Variants in DDX52 observed in about 807,000 individuals in gnomAD.
DDX52 encodes the protein probable ATP-dependent RNA helicase DDX52.
In DDX52, 59 loss-of-function variants were observed where a neutral mutation model predicts 76.1. That is an observed-to-expected ratio of 0.78 (90% CI 0.63 to 0.96). The LOEUF (loss-of-function observed/expected upper bound fraction) is 0.96, where lower values mean the gene tolerates loss of function less well. DDX52 is among the 40% of genes least tolerant of loss of function. The pLI, the probability that DDX52 is intolerant of heterozygous loss-of-function variation, is 0.00. For synonymous variants in DDX52, 231 were observed against 244.1 expected (o/e 0.95, Z 0.50); for missense variants, 707 against 703.9 (o/e 1.00, Z -0.05).
At chr17:37,636,324 C>T (rs1438445229) in intron 2 of DDX52, among the ~76,000 whole-genome samples, 3 of 152,078 alleles carry the variant, frequency 2.0e-5, no homozygotes, top group South Asian at 2.1e-4. Context: ...GTCCGTTTGT[C>T]GAAAAGACTT....
In DDX52 at chr17:37,621,183, T is replaced by TTGAACCATAGTTGA; in HGVS notation, c.1444_1445insTCAACTATGGTTCA (p.Asn482IlefsTer8). 1 of 1,614,010 alleles carries TTGAACCATAGTTGA rather than the reference T, an allele frequency of 6.2e-7. No homozygotes were observed. The highest frequency in any genetic ancestry group is 1.1e-5 in the South Asian group (1 of 91,072). On this transcript the variant is annotated frameshift_variant, in exon 11 of 15. Transcript: ENST00000617633. LOFTEE classifies it high-confidence loss of function. ...TGGAAAGTCATAGTTGATCACCAAG[T>TTGAACCATAGTTGA]TCACACCTTTAAAATCAATCCCTCT...
Position 37,642,167 on chromosome 17 carries a change from T to C in DDX52, c.229A>G (p.Ser77Gly). 1 of 1,614,124 alleles carries C rather than the reference T, an allele frequency of 6.2e-7. No homozygotes were observed. Among genetic ancestry groups the C allele is most frequent in the Non-Finnish European group, 8.5e-7 (1 of 1,180,028 alleles). Reference sequence around the variant, plus strand: ...TGCTCCCTCTTCCTTTCAGTTAGGCTCTCTTCTTTTTTCTCTCCATTTTGG... The same window carrying C: ...TGCTCCCTCTTCCTTTCAGTTAGGCCCTCTTCTTTTTTCTCTCCATTTTGG... ...KPQNGEKKEE[S>G]LTERKREQSK... The change falls in exon 2 of 15, where the codon AGC (serine) becomes GGC (glycine). Residue 77 changes from serine (S) to glycine (G), a missense_variant. Coordinates refer to ENST00000617633, the MANE Select transcript of DDX52 (RefSeq NM_007010.5).
intron 2 of DDX52, among the ~76,000 whole-genome samples, chr17:37,633,697 T>C (rs1192184903): frequency 1.3e-5 from 2 of 150,494 alleles, no homozygotes; most frequent in Non-Finnish European, 3.0e-5. Context: ...CTTGGATGTA[T>C]GTGTAGCAAG....
rs760457394 is a variant in DDX52, at chr17:37,643,321, T to C, written c.87+13A>G. 1.5e-5 allele frequency: 24 copies of C among 1,612,346 alleles called. No homozygotes were observed. Among genetic ancestry groups the C allele is most frequent in the Non-Finnish European group, 2.0e-5 (23 of 1,178,902 alleles). On this transcript the variant is annotated intron_variant, in intron 1 of 14. Coordinates refer to ENST00000617633, the MANE Select transcript of DDX52 (RefSeq NM_007010.5). ...TCTCAGTTACTCGGCCCTCGGTCCCTTGGGCACAGTACCTGGAATCGAGCT... is the reference window on the plus strand; with the variant it reads ...TCTCAGTTACTCGGCCCTCGGTCCCCTGGGCACAGTACCTGGAATCGAGCT...
chr17:37,628,879 T>A (rs1354474430), intron 5 of DDX52, among the ~76,000 whole-genome samples: 2 of 152,160 alleles, frequency 1.3e-5, no homozygotes, highest in African/African-American at 4.8e-5. Flanking sequence ...TGGAATAAAC[T>A]AGTTCCCAGA....
chr17:37,622,771 G>A (rs772834666), intron 9 of DDX52, among the ~76,000 whole-genome samples: 5 of 152,128 alleles, frequency 3.3e-5, no homozygotes, highest in Admixed American at 1.3e-4. Context: ...TAATCTCCAA[G>A]GAATATCCTG....
At chr17:37,638,980 C>T (rs2031060959) in intron 2 of DDX52, among the ~76,000 whole-genome samples, 1 of 151,960 alleles carries the variant, frequency 6.6e-6, no homozygotes, top group Non-Finnish European at 1.5e-5. Flanking sequence ...CCATGTTGGC[C>T]AGGCTGGTCT....
chr17:37,619,743 G>A, intron 13 of DDX52, 25 bp downstream of exon 13: 1 of 1,573,896 alleles, frequency 6.4e-7, no homozygotes, highest in Non-Finnish European at 8.7e-7. Flanking sequence ...GACAGACAAA[G>A]ATACAGGTAA....
chr17:37,618,093 C>T (rs1420312562), intron 14 of DDX52, among the ~76,000 whole-genome samples, 199 bp downstream of exon 14: 3 of 152,066 alleles, frequency 2.0e-5, no homozygotes, highest in Admixed American at 6.6e-5. Flanking sequence ...CCAGCCTGGG[C>T]GACAGTGCAA....
At chr17:37,616,608 T>C (rs1020901114) in intron 14 of DDX52, among the ~76,000 whole-genome samples, 9 of 151,420 alleles carry the variant, frequency 5.9e-5, no homozygotes, top group Middle Eastern at 3.4e-3. Context: ...TGAGCCGAGA[T>C]TGCGACACTG....
rs2064393122 is a variant in DDX52 at position 37,613,682 on chromosome 17, A to G, written c.*614T>C. The G allele has an allele frequency of 6.6e-6, 1 of 152,612 alleles. No individual in the cohort carries two copies. Among genetic ancestry groups the G allele is most frequent in the Non-Finnish European group, 1.5e-5 (1 of 68,042 alleles). 9.5% of individuals were successfully genotyped at this position (152,612 alleles called of 1,614,324 possible). A position where few individuals can be genotyped will look rare whatever the true frequency, so the allele number is the denominator to read the frequency against. ...AACAAATTAGGAAATATTAAAATTA[A>G]GAGAGCAGCAGGTTTCTTCTTGGTA... is the stretch of plus-strand genomic sequence containing the variant. On this transcript the variant is annotated 3_prime_UTR_variant, in exon 15 of 15. Transcript: ENST00000617633.
chr17:37,618,453 T>C, intron 13 of DDX52, 69 bp from the exon 14 acceptor site: 2 of 1,309,758 alleles, frequency 1.5e-6, no homozygotes, highest in South Asian at 2.8e-5. Context: ...AAAGCTAAAA[T>C]TAGTTTTGAT....
In DDX52 at chr17:37,610,656, G is replaced by A. The variant is rs1322376896; in HGVS notation, c.*3640C>T. The A allele has an allele frequency of 2.6e-5, 4 of 152,198 alleles. No homozygotes were observed. The South Asian group carries it at 6.2e-4, about 24-fold the overall frequency. 9.4% of individuals were successfully genotyped at this position (152,198 alleles called of 1,614,324 possible). ...TTTAAAAAATCCTCAGTATCCTTAG[G>A]AGTTACAATTGGCATCTTACAGATG... On this transcript the variant is annotated 3_prime_UTR_variant, in exon 15 of 15. Transcript: ENST00000617633.
At chr17:37,628,055 GAGA>G (rs1370988284) in intron 6 of DDX52, among the ~76,000 whole-genome samples, 7 of 152,028 alleles carry the variant, frequency 4.6e-5, no homozygotes, top group Non-Finnish European at 4.4e-5. Context: ...TATAGGTATG[GAGA>G]AGATTACAGG....
In DDX52 at chr17:37,620,946, G is replaced by A. The variant is rs768040442; in HGVS notation, c.1504C>T (p.Arg502Ter). Reference protein sequence around the residue: ...SSVEYIHRIGRTGRAGNKGKA... With the variant: ...SSVEYIHRIG ...CCCTTATTCCCTGCTCTTCCAGTTC[G>A]ACCTAAGAAAAATTAGACCATTAAA... is the stretch of plus-strand genomic sequence containing the variant. The change falls in exon 12 of 15, where the codon CGA becomes TGA. Residue 502 changes from arginine (R) to a stop codon, truncating the protein, a stop_gained and splice_region_variant. Transcript: ENST00000617633. LOFTEE classifies it high-confidence loss of function. 1.3e-5 allele frequency: 20 copies of A among 1,587,472 alleles called. No individual in the cohort carries two copies. The highest frequency in any genetic ancestry group is 2.0e-5 in the Admixed American group (1 of 50,966).
rs2030715927 is a variant in DDX52, at chr17:37,632,215, G to A, written c.501C>T (p.Asp167=). ...PDPIATFQQL[D]QEYKINSRLL... ...GTCGAGAATTGATTTTATATTCCTG[G>A]TCAAGTTGCTGAAATGTAGCAATTG... Residue 167 remains aspartate (D), a synonymous_variant, in exon 4 of 15, where the codon GAC becomes GAT. Transcript: ENST00000617633. 6.2e-7 allele frequency: 1 copy of A among 1,613,892 alleles called. No individual in the cohort carries two copies. Among genetic ancestry groups the A allele is most frequent in the Non-Finnish European group, 8.5e-7 (1 of 1,179,970 alleles).
In DDX52 at chr17:37,610,163, G is replaced by A. The variant is rs1040580371; in HGVS notation, c.*4133C>T. On this transcript the variant is annotated 3_prime_UTR_variant, in exon 15 of 15. Coordinates refer to ENST00000617633, the MANE Select transcript of DDX52 (RefSeq NM_007010.5). ...TTTTGAGACAGGGTCTTGCTCTGTT[G>A]TCCAGGCTGGAGTGCAGTGGCATGA... 1.4e-5 allele frequency: 2 copies of A among 148,122 alleles called. No individual in the cohort carries two copies. Among genetic ancestry groups the A allele is most frequent in the African/African-American group, 2.5e-5 (1 of 39,806 alleles). The allele number at this position is 148,122 out of a possible 1,614,324, so 9.2% of individuals were successfully genotyped here. A position where few individuals can be genotyped will look rare whatever the true frequency, so the allele number is the denominator to read the frequency against.
At chr17:37,641,200 A>C (rs2031180731) in intron 2 of DDX52, among the ~76,000 whole-genome samples, 1 of 151,968 alleles carries the variant, frequency 6.6e-6, no homozygotes, top group African/African-American at 2.4e-5. Flanking sequence ...CAGGAGATCG[A>C]GACCATCCTG....
At chr17:37,624,000 C>T (rs1428892010) in intron 9 of DDX52, 1 of 159,648 alleles carries the variant, frequency 6.3e-6, no homozygotes, top group Non-Finnish European at 1.4e-5. Context: ...AGGGATGGAG[C>T]AGGCAAATGT....
Sources: allele counts gnomAD v4.1 joint callset (sites outside exome capture counted in the v4.1 genomes callset), GRCh38; gene constraint gnomAD v4.1.1; transcripts MANE v1.5; gene names NCBI Gene and HGNC (gene_info 2026-07-23, HGNC 2026-07-21).